Variants in TSPAN9 observed in about 807,000 individuals in gnomAD.
TSPAN9 encodes the protein tetraspanin 9, also known as tetraspanin-9.
In TSPAN9, 16 loss-of-function variants were observed where a neutral mutation model predicts 31.0. The observed-to-expected ratio is 0.52, with a 90% CI of 0.35 to 0.78. The LOEUF (loss-of-function observed/expected upper bound fraction) is 0.78. Ranked by LOEUF, TSPAN9 falls within the 30% of genes least tolerant of loss-of-function variation. The pLI, the probability that TSPAN9 is intolerant of heterozygous loss-of-function variation, is 0.01. For synonymous variants in TSPAN9, 145 were observed against 121.6 expected, an observed-to-expected ratio of 1.19 and a Z score of -1.27; for missense variants, 272 against 312.5, an observed-to-expected ratio of 0.87 and a Z score of 0.98.
At chr12:3,077,882 G>C (rs1419148985) in intron 1 of TSPAN9, among the ~76,000 whole-genome samples, 2 of 152,172 alleles carry the variant, frequency 1.3e-5, no homozygotes, top group African/African-American at 4.8e-5. Flanking sequence ...GCAGCCCCCC[G>C]GCACCCGCGA....
chr12:3,140,538 T>C (rs1270089459), intron 2 of TSPAN9, among the ~76,000 whole-genome samples: 1 of 151,966 alleles, frequency 6.6e-6, no homozygotes, highest in African/African-American at 2.4e-5. Context: ...TGCAGGGAAG[T>C]TCAGAGGGTT....
intron 3 of TSPAN9, among the ~76,000 whole-genome samples, chr12:3,257,083 C>T (rs1489540979): frequency 3.9e-5 from 6 of 152,186 alleles, no homozygotes; most frequent in Admixed American, 2.0e-4. Context: ...GACCGCTCCC[C>T]ACCAAGTTTC....
chr12:3,093,734 A>T (rs2098306192), intron 2 of TSPAN9, among the ~76,000 whole-genome samples: 1 of 152,092 alleles, frequency 6.6e-6, no homozygotes, highest in Admixed American at 6.5e-5. Flanking sequence ...ACCCCATCCT[A>T]CCTTAAAATG....
intron 3 of TSPAN9, among the ~76,000 whole-genome samples, chr12:3,216,652 C>T (rs566550134): frequency 6.6e-6 from 1 of 152,352 alleles, no homozygotes; most frequent in South Asian, 2.1e-4. Flanking sequence ...CGGAGTGGCC[C>T]TAATGGGCCT....
intron 2 of TSPAN9, among the ~76,000 whole-genome samples, chr12:3,155,129 G>T (rs975004526): frequency 6.6e-6 from 1 of 152,112 alleles, no homozygotes; most frequent in African/African-American, 2.4e-5. Context: ...AACGTGATGC[G>T]GACCAAATAA....
At chr12:3,263,413 C>T (rs149041939) in intron 3 of TSPAN9, among the ~76,000 whole-genome samples, 72 of 152,306 alleles carry the variant, frequency 4.7e-4, no homozygotes, top group African/African-American at 1.5e-3. Flanking sequence ...TAAGCATATG[C>T]GGAGAGGCGC....
chr12:3,206,315 C>T lies in TSPAN9; in HGVS notation c.63+5059C>T, dbSNP rs766744013. On this transcript the variant is annotated intron_variant, in intron 3 of 8. Coordinates refer to ENST00000011898, the MANE Select transcript of TSPAN9 (RefSeq NM_006675.5). Reference sequence around the variant, plus strand: ...TTGGTGAGAATGGGCTGACTGGGCTCGCAGAGGGCGGATCAGTTTTCTCGT... The same window carrying T: ...TTGGTGAGAATGGGCTGACTGGGCTTGCAGAGGGCGGATCAGTTTTCTCGT... The T allele has an allele frequency of 6.6e-6, 3 of 455,934 alleles. No homozygotes were observed. The East Asian group carries it at 2.1e-4, about 32-fold the overall frequency. 28.2% of individuals were successfully genotyped at this position (455,934 alleles called of 1,614,324 possible).
intron 2 of TSPAN9, among the ~76,000 whole-genome samples, chr12:3,132,690 G>T (rs187619916): frequency 6.6e-6 from 1 of 152,316 alleles, no homozygotes; most frequent in South Asian, 2.1e-4. Flanking sequence ...GAAGCCTGGC[G>T]TGGACGACTC....
At chr12:3,276,011 G>A (rs559623146) in intron 3 of TSPAN9, among the ~76,000 whole-genome samples, 21 of 152,244 alleles carry the variant, frequency 1.4e-4, no homozygotes, top group Admixed American at 5.2e-4. Context: ...ATTTCTCACC[G>A]CTCCTCCGTA....
chr12:3,105,431 TA>T (rs35039490), intron 2 of TSPAN9, among the ~76,000 whole-genome samples: 730 of 134,388 alleles, frequency 5.4e-3, no homozygotes, highest in African/African-American at 9.4e-3. Context: ...TTCCTTGTCT[TA>T]AAAAAAAAAA....
At chr12:3,141,918 C>G (rs887608130) in intron 2 of TSPAN9, among the ~76,000 whole-genome samples, 4 of 152,346 alleles carry the variant, frequency 2.6e-5, no homozygotes, top group Middle Eastern at 3.4e-3. Context: ...GACCCCATCC[C>G]AAGTTGTCCC....
chr12:3,279,862 T>G (rs1246577825), intron 5 of TSPAN9, among the ~76,000 whole-genome samples: 1 of 152,220 alleles, frequency 6.6e-6, no homozygotes, highest in East Asian at 1.9e-4. Flanking sequence ...TGAGAATTGT[T>G]TCCCTTAATT....
intron 2 of TSPAN9, among the ~76,000 whole-genome samples, chr12:3,119,637 G>A (rs922920914): frequency 4.6e-5 from 7 of 152,198 alleles, no homozygotes; most frequent in Admixed American, 6.5e-5. Context: ...TGCTGTGAAT[G>A]CACCCCCGCT....
intron 2 of TSPAN9, chr12:3,200,309 G>C (rs1021267092): frequency 6.6e-6 from 1 of 152,224 alleles, no homozygotes; most frequent in African/African-American, 2.4e-5. Flanking sequence ...CGGGGAGGGG[G>C]CTCCAGGCGA....
intron 2 of TSPAN9, among the ~76,000 whole-genome samples, chr12:3,145,974 C>T (rs763389229): frequency 2.9e-4 from 44 of 152,336 alleles, no homozygotes; most frequent in African/African-American, 4.3e-4. Context: ...GCCTTGCGAG[C>T]GAGCCACGGG....
chr12:3,131,222 C>T (rs565441457), intron 2 of TSPAN9, among the ~76,000 whole-genome samples: 23 of 150,662 alleles, frequency 1.5e-4, no homozygotes, highest in Admixed American at 2.7e-4. Flanking sequence ...AGCCGGCCTT[C>T]GAGGTTGGTG....
At position 3,205,245 on chromosome 12, in the gene TSPAN9, T is replaced by C. The variant is rs1048371080; in HGVS notation, c.63+3989T>C. Among the ~76,000 whole-genome samples, 8 of 152,244 alleles carry C rather than the reference T, an allele frequency of 5.3e-5. 1 individual carries two copies. The highest frequency in any genetic ancestry group is 2.1e-4 in the South Asian group (1 of 4,832). ...GGCAGAGCAGTGACATTCTGGCCCA[T>C]TGGAAAGCCTATTCCTTGTGGATCG... On this transcript the variant is annotated intron_variant, in intron 3 of 8. Coordinates refer to ENST00000011898, the MANE Select transcript of TSPAN9 (RefSeq NM_006675.5).
chr12:3,163,941 C>G (rs1270369491), intron 2 of TSPAN9, among the ~76,000 whole-genome samples: 3 of 152,318 alleles, frequency 2.0e-5, no homozygotes, highest in Middle Eastern at 3.4e-3. Context: ...TTAGGCAGCT[C>G]TCTCTGTTCT....
In TSPAN9 at chr12:3,244,989, T is replaced by C. The variant is rs1244227988; in HGVS notation, c.64-33432T>C. ...ACTCTGTGCGTTAGCCTCTTGACTC[T>C]GTGGGCATCCCGGTCTTTCCAAGGA... On this transcript the variant is annotated intron_variant, in intron 3 of 8. Transcript: ENST00000011898. Among the ~76,000 whole-genome samples, 6 of 152,312 alleles carry C rather than the reference T, an allele frequency of 3.9e-5. No individual in the cohort carries two copies. The South Asian group carries it at 1.0e-3, about 26-fold the overall frequency.
Sources: allele counts gnomAD v4.1 joint callset (sites outside exome capture counted in the v4.1 genomes callset), GRCh38; gene constraint gnomAD v4.1.1; transcripts MANE v1.5; gene names NCBI Gene and HGNC (gene_info 2026-07-23, HGNC 2026-07-21).